The following ZNF618 variants were observed in gnomAD, a reference collection of about 807,000 sequenced individuals.
ZNF618 encodes neural precursor cell expressed, developmentally down-regulated 10.
A neutral mutation model predicts 103.0 loss-of-function variants in ZNF618; 34 were observed. The ratio of observed to expected loss-of-function variants is 0.33; its 90% CI spans 0.25 to 0.44. The LOEUF is 0.44. Ranked by LOEUF, ZNF618 falls within the 20% of genes least tolerant of loss-of-function variation. ZNF618 has a pLI of 1.00. For missense variants in ZNF618, 1,059 were observed against 1,295.4 expected (o/e 0.82, Z 2.80); for synonymous variants, 551 against 542.2 (o/e 1.02, Z -0.23).
intron 4 of ZNF618, among the ~76,000 whole-genome samples, chr9:114,000,336 C>G (rs1271807133): frequency 3.3e-5 from 5 of 152,200 alleles, no homozygotes; most frequent in Admixed American, 3.3e-4. Flanking sequence ...AAGGTTGTGT[C>G]CGAGATCAAA....
intron 2 of ZNF618, among the ~76,000 whole-genome samples, chr9:113,981,097 A>C (rs114678090): frequency 1.1e-3 from 170 of 152,348 alleles, no homozygotes; most frequent in African/African-American, 3.8e-3. Flanking sequence ...CCATGCATGC[A>C]TGCATTCATG....
chr9:113,914,839 C>T (rs1354247229), intron 1 of ZNF618, among the ~76,000 whole-genome samples: 2 of 152,162 alleles, frequency 1.3e-5, no homozygotes, highest in Non-Finnish European at 2.9e-5. Context: ...CCTGTTTTGA[C>T]AACTTGGATG....
At chr9:113,958,679 C>T (rs908886972) in intron 1 of ZNF618, among the ~76,000 whole-genome samples, 1 of 151,886 alleles carries the variant, frequency 6.6e-6, no homozygotes, top group Non-Finnish European at 1.5e-5. Context: ...GTAAACACTA[C>T]CCTGTTGTTG....
intron 1 of ZNF618, among the ~76,000 whole-genome samples, chr9:113,914,240 T>C (rs2131510090): frequency 6.6e-6 from 1 of 152,306 alleles, no homozygotes; most frequent in Middle Eastern, 3.4e-3. Flanking sequence ...AGCAAGGTAG[T>C]GTCTAAGTCT....
In ZNF618 at chr9:113,911,590, A is replaced by G. The variant is rs556961835; in HGVS notation, c.33+35177A>G. Among the ~76,000 whole-genome samples the G allele has an allele frequency of 4.8e-4, 73 of 152,038 alleles. 2 individuals carry two copies. Among genetic ancestry groups the G allele is most frequent in the Admixed American group, 4.3e-3 (66 of 15,266 alleles). On this transcript the variant is annotated intron_variant, in intron 1 of 14. Transcript: ENST00000374126. ...GTGATCCGCCCGCCTTGGCCTCCCA[A>G]CGTGCTGGGATCATAGGCGTGAGCC... is the stretch of plus-strand genomic sequence containing the variant.
intron 1 of ZNF618, among the ~76,000 whole-genome samples, chr9:113,940,449 C>A (rs1275199006): frequency 6.6e-6 from 1 of 151,966 alleles, no homozygotes; most frequent in African/African-American, 2.4e-5. Context: ...GCTTAAGTCT[C>A]CTATTGTAAC....
chr9:113,886,971 C>CTTTT (rs57000343), intron 1 of ZNF618, among the ~76,000 whole-genome samples: 3 of 109,490 alleles, frequency 2.7e-5, no homozygotes, highest in South Asian at 3.0e-4. Flanking sequence ...TTACTTTCTA[C>CTTTT]TTTTTTTTTT....
rs368944577 is a variant in ZNF618, at chr9:113,951,541, A to G, written c.34-17576A>G. On this transcript the variant is annotated intron_variant, in intron 1 of 14. Coordinates refer to ENST00000374126, the MANE Select transcript of ZNF618 (RefSeq NM_001318042.2). ...TATATGTACACATATGTGTGTACAT[A>G]TGTACACATATGTGTGTGTATATGT... Among the ~76,000 whole-genome samples, 13 of 59,390 alleles carry G rather than the reference A, an allele frequency of 2.2e-4. 1 individual carries two copies. The highest frequency in any genetic ancestry group is 4.4e-4 in the African/African-American group (9 of 20,520). The allele number at this position is 59,390 out of a possible 152,430, so 39.0% of individuals were successfully genotyped here.
chr9:113,919,273 T>A (rs1832418961), intron 1 of ZNF618, among the ~76,000 whole-genome samples: 1 of 152,142 alleles, frequency 6.6e-6, no homozygotes, highest in Non-Finnish European at 1.5e-5. Context: ...GATGCTCTGG[T>A]GGCTGATGGC....
chr9:113,944,513 T>TA (rs1255787401), intron 1 of ZNF618, among the ~76,000 whole-genome samples: 1 of 152,204 alleles, frequency 6.6e-6, no homozygotes, highest in African/African-American at 2.4e-5. Flanking sequence ...TCCTGGCCTC[T>TA]AGTGATCTGC....
chr9:113,889,389 G>T (rs866094819), intron 1 of ZNF618, among the ~76,000 whole-genome samples: 1 of 147,248 alleles, frequency 6.8e-6, no homozygotes. Flanking sequence ...CAGCATAGAG[G>T]CTTCATATAT....
At position 113,963,039 on chromosome 9, in the gene ZNF618, CAG is replaced by C. The variant is rs201069901; in HGVS notation, c.34-6076_34-6075del. 5.0e-3 allele frequency among the ~76,000 whole-genome samples: 755 copies of C among 152,236 alleles called. 5 individuals carry two copies. Among genetic ancestry groups the C allele is most frequent in the Middle Eastern group, 0.01 (3 of 294 alleles). ...GAGTCTTGTGCCTCAGTGGAGGAGA[CAG>C]AAAGTTACATGTTAAGTTTTGGGGA... On this transcript the variant is annotated intron_variant, in intron 1 of 14. Transcript: ENST00000374126.
intron 10 of ZNF618, among the ~76,000 whole-genome samples, chr9:114,025,290 C>T (rs896427246): frequency 1.6e-4 from 25 of 152,354 alleles, no homozygotes; most frequent in African/African-American, 5.8e-4. Context: ...TCCTCTACCT[C>T]GTGGAAGTTT....
At chr9:114,025,202 T>C (rs1843392296) in intron 10 of ZNF618, among the ~76,000 whole-genome samples, 1 of 152,210 alleles carries the variant, frequency 6.6e-6, no homozygotes, top group Non-Finnish European at 1.5e-5. Flanking sequence ...TTGACTCCTC[T>C]TGCATCCCAT....
At chr9:113,949,099 G>A (rs1404394707) in intron 1 of ZNF618, among the ~76,000 whole-genome samples, 1 of 152,210 alleles carries the variant, frequency 6.6e-6, no homozygotes, top group African/African-American at 2.4e-5. Flanking sequence ...AGATGAAATG[G>A]GTGACGGAAG....
At chr9:113,919,943 G>A (rs529901374) in intron 1 of ZNF618, among the ~76,000 whole-genome samples, 5 of 152,350 alleles carry the variant, frequency 3.3e-5, no homozygotes, top group East Asian at 1.9e-4. Context: ...TGCCATCCTC[G>A]TGGGTGGGGA....
intron 13 of ZNF618, 150 bp downstream of exon 13, chr9:114,036,527 G>T: frequency 2.4e-6 from 2 of 817,720 alleles, no homozygotes; most frequent in Non-Finnish European, 3.9e-6. Flanking sequence ...GGGAGCCCCA[G>T]TCAGTCAGTT....
Position 114,048,030 on chromosome 9 carries a change from C to G in ZNF618, c.1348+36C>G, listed in dbSNP as rs150042253. 235 of 1,519,882 alleles carry G rather than the reference C, an allele frequency of 1.5e-4. 1 individual carries two copies. The African/African-American group carries it at 2.9e-3, about 19-fold the overall frequency. 94.1% of individuals were successfully genotyped at this position (1,519,882 alleles called of 1,614,324 possible). A position where few individuals can be genotyped will look rare whatever the true frequency, so the allele number is the denominator to read the frequency against. On this transcript the variant is annotated intron_variant, in intron 14 of 14. Transcript: ENST00000374126. ...CCAAGCAGGGCTGGACCTGAGGGTC[C>G]CCTTATGCTCCAGTTGTTCCTCTCT...
At chr9:113,880,143 A>G (rs1373991163) in intron 1 of ZNF618, among the ~76,000 whole-genome samples, 2 of 152,060 alleles carry the variant, frequency 1.3e-5, no homozygotes, top group Non-Finnish European at 2.9e-5. Flanking sequence ...GGTGGGTGAT[A>G]AGAACTTCCT....
Sources: allele counts gnomAD v4.1 joint callset (sites outside exome capture counted in the v4.1 genomes callset), GRCh38; gene constraint gnomAD v4.1.1; transcripts MANE v1.5; gene names NCBI Gene and HGNC (gene_info 2026-07-23, HGNC 2026-07-21).